The following CDH12 variants were observed in gnomAD, a reference collection of about 807,000 sequenced individuals.
The protein encoded by CDH12 is cadherin-12.
CDH12 carries 41 observed loss-of-function variants against 74.1 expected under a neutral mutation model. The ratio of observed to expected loss-of-function variants is 0.55; its 90% confidence interval spans 0.43 to 0.72. The LOEUF (loss-of-function observed/expected upper bound fraction) is 0.72, where lower values mean the gene tolerates loss of function less well. CDH12 is among the 30% of genes least tolerant of loss of function. The pLI, the probability that CDH12 is intolerant of heterozygous loss-of-function variation, is 0.00. For missense variants in CDH12, 945 were observed against 977.2 expected (o/e 0.97, Z 0.44); for synonymous variants, 399 against 355.0 (o/e 1.12, Z -1.39).
chr5:21,770,687 C>T (rs181755756), intron 11 of CDH12, among the ~76,000 whole-genome samples: 313 of 151,850 alleles, frequency 2.1e-3, no homozygotes, highest in African/African-American at 5.0e-3. Flanking sequence ...AATTACTCTT[C>T]GACCCAGCAA....
intron 3 of CDH12, among the ~76,000 whole-genome samples, chr5:22,360,663 T>C (rs987610975): frequency 2.6e-5 from 4 of 152,130 alleles, no homozygotes; most frequent in Admixed American, 6.6e-5. Context: ...CTGATGAACA[T>C]TGATGCAAAA....
At chr5:21,966,158 G>GTTTTT (rs71609724) in intron 6 of CDH12, among the ~76,000 whole-genome samples, 5 of 123,320 alleles carry the variant, frequency 4.1e-5, no homozygotes, top group Admixed American at 8.2e-5. Flanking sequence ...CTATTTTTAC[G>GTTTTT]TTTTTTTTTT....
chr5:21,832,826 A>G lies in CDH12; in HGVS notation c.814+9335T>C, dbSNP rs1205902345. 1.4e-4 allele frequency among the ~76,000 whole-genome samples: 17 copies of G among 118,192 alleles called. No homozygotes were observed. In the East Asian group the frequency reaches 3.8e-3, roughly 26 times the overall value. The allele number at this position is 118,192 out of a possible 152,430, so 77.5% of individuals were successfully genotyped here. The stretch of plus-strand genomic sequence containing the variant: ...TATTATCATATAATATATGATATAT[A>G]TTATAATAATATAAATCATATGATA... On this transcript the variant is annotated intron_variant, in intron 8 of 14. Transcript: ENST00000382254.
At chr5:22,399,674 G>A (rs1742629866) in intron 3 of CDH12, among the ~76,000 whole-genome samples, 1 of 152,066 alleles carries the variant, frequency 6.6e-6, no homozygotes, top group Admixed American at 6.5e-5. Context: ...TACACTGCCA[G>A]CAAAAGGAAC....
chr5:21,964,529 T>G (rs1458625686), intron 6 of CDH12, among the ~76,000 whole-genome samples: 1 of 151,952 alleles, frequency 6.6e-6, no homozygotes, highest in Non-Finnish European at 1.5e-5. Context: ...AAGTCTTTCT[T>G]CTCCTGCTAG....
intron 3 of CDH12, among the ~76,000 whole-genome samples, chr5:22,370,308 G>A (rs1467116606): frequency 1.3e-5 from 2 of 152,044 alleles, no homozygotes; most frequent in Admixed American, 6.6e-5. Context: ...ATTAAAATTG[G>A]CTTAGGCTAT....
chr5:22,180,979 T>G (rs1749614321), intron 4 of CDH12, among the ~76,000 whole-genome samples: 1 of 152,138 alleles, frequency 6.6e-6, no homozygotes, highest in Non-Finnish European at 1.5e-5. Flanking sequence ...TATTTGACAT[T>G]GACTACTTAA....
intron 3 of CDH12, among the ~76,000 whole-genome samples, chr5:22,223,995 T>C (rs2150370625): frequency 6.6e-6 from 1 of 152,106 alleles, no homozygotes; most frequent in African/African-American, 2.4e-5. Context: ...TAGGAAATAA[T>C]TGGGAACACA....
chr5:22,594,842 C>T (rs1736523229), intron 1 of CDH12, among the ~76,000 whole-genome samples: 1 of 152,138 alleles, frequency 6.6e-6, no homozygotes, highest in South Asian at 2.1e-4. Context: ...TCTCTGTTCA[C>T]CAAATGTTTC....
intron 9 of CDH12, among the ~76,000 whole-genome samples, chr5:21,804,727 G>T (rs1408278771): frequency 6.7e-6 from 1 of 148,532 alleles, no homozygotes; most frequent in Admixed American, 6.8e-5. Context: ...GGCTTGACAT[G>T]CATCCTGTAA....
At chr5:22,698,743 T>TATATA (rs1561586195) in intron 1 of CDH12, among the ~76,000 whole-genome samples, 1 of 78,638 alleles carries the variant, frequency 1.3e-5, no homozygotes, top group African/African-American at 4.8e-5. Flanking sequence ...ATAGTGTGTG[T>TATATA]GTGTGTGTGT....
intron 1 of CDH12, among the ~76,000 whole-genome samples, chr5:22,700,025 A>G (rs1221819331): frequency 4.6e-5 from 7 of 152,078 alleles, no homozygotes; most frequent in African/African-American, 9.7e-5. Flanking sequence ...AATTAGCTGC[A>G]TATGTTGGCG....
chr5:21,966,158 GTTT>G (rs71609724), intron 6 of CDH12, among the ~76,000 whole-genome samples: 3,742 of 123,312 alleles, frequency 0.03, 135 homozygotes, highest in African/African-American at 0.085. Context: ...CTATTTTTAC[GTTT>G]TTTTTTTTTT....
intron 2 of CDH12, among the ~76,000 whole-genome samples, chr5:22,472,090 A>G (rs1187136596): frequency 6.6e-6 from 1 of 152,144 alleles, no homozygotes; most frequent in African/African-American, 2.4e-5. Context: ...TGAAGGACTG[A>G]TATGTCAAGG....
chr5:22,381,848 T>G, intron 3 of CDH12, among the ~76,000 whole-genome samples: 1 of 151,374 alleles, frequency 6.6e-6, no homozygotes, highest in South Asian at 2.1e-4. Flanking sequence ...AACTGCCGTC[T>G]TAAGTCTAGA....
At chr5:21,867,791 G>T (rs1751408108) in intron 6 of CDH12, among the ~76,000 whole-genome samples, 1 of 152,200 alleles carries the variant, frequency 6.6e-6, no homozygotes, top group Non-Finnish European at 1.5e-5. Flanking sequence ...AAGGAGTTAA[G>T]ACTTTGGGGG....
In CDH12 at chr5:21,778,408, C is replaced by T. The variant is rs539304678; in HGVS notation, c.1393+4950G>A. 2.9e-5 allele frequency among the ~76,000 whole-genome samples: 4 copies of T among 138,680 alleles called. No homozygotes were observed. In the Admixed American group the frequency reaches 3.2e-4, roughly 11 times the overall value. The allele number at this position is 138,680 out of a possible 152,430, so 91.0% of individuals were successfully genotyped here. ...AATGTTATTCTAGAAAAATTAGGTACTCACTTCTCATATGTTGTGATAATA... is the reference window on the plus strand; with the variant it reads ...AATGTTATTCTAGAAAAATTAGGTATTCACTTCTCATATGTTGTGATAATA... On this transcript the variant is annotated intron_variant, in intron 11 of 14. Coordinates refer to ENST00000382254, the MANE Select transcript of CDH12 (RefSeq NM_004061.5).
chr5:22,126,902 C>T (rs1045980199), intron 4 of CDH12, among the ~76,000 whole-genome samples: 3 of 152,204 alleles, frequency 2.0e-5, no homozygotes, highest in African/African-American at 7.2e-5. Flanking sequence ...CAGGTTCTCT[C>T]ATGTTCCCCA....
At chr5:22,692,418 G>A (rs1742130913) in intron 1 of CDH12, among the ~76,000 whole-genome samples, 1 of 152,130 alleles carries the variant, frequency 6.6e-6, no homozygotes, top group South Asian at 2.1e-4. Flanking sequence ...TGGATCATGG[G>A]CCATTTAAGG....
Sources: allele counts gnomAD v4.1 joint callset (sites outside exome capture counted in the v4.1 genomes callset), GRCh38; gene constraint gnomAD v4.1.1; transcripts MANE v1.5; gene names NCBI Gene and HGNC (gene_info 2026-07-23, HGNC 2026-07-21).